The following TRPM3 variants were observed in gnomAD, a reference collection of about 807,000 sequenced individuals.
TRPM3 encodes the protein transient receptor potential cation channel subfamily M member 3, also known as long transient receptor potential channel 3.
A neutral mutation model predicts 181.2 loss-of-function variants in TRPM3; 77 were observed. That is an observed-to-expected ratio of 0.42 (90% CI 0.35 to 0.51). The LOEUF is 0.51. Among genes scored for constraint, TRPM3 ranks in the 20% least tolerant of loss-of-function variants. The pLI, the probability that TRPM3 is intolerant of heterozygous loss-of-function variation, is 0.01. For synonymous variants in TRPM3, 745 were observed against 796.4 expected (o/e 0.94, Z 1.09); for missense variants, 1,759 against 2,196.7 (o/e 0.80, Z 3.98).
intron 1 of TRPM3, among the ~76,000 whole-genome samples, chr9:71,036,853 T>C (rs1190015128): frequency 6.6e-6 from 1 of 152,212 alleles, no homozygotes; most frequent in Non-Finnish European, 1.5e-5. Flanking sequence ...AAGAGACACA[T>C]GTACTCAAAT....
At chr9:71,196,428 A>T (rs10746865) in intron 1 of TRPM3, among the ~76,000 whole-genome samples, 65,142 of 151,594 alleles carry the variant, frequency 0.43, 14,388 homozygotes, top group East Asian at 0.52. Flanking sequence ...GTATTTATCT[A>T]TATTGTCCTC....
intron 1 of TRPM3, among the ~76,000 whole-genome samples, chr9:71,263,925 G>A (rs1015191403): frequency 2.0e-5 from 3 of 152,104 alleles, no homozygotes; most frequent in African/African-American, 7.2e-5. Context: ...GACCACAGGT[G>A]CATGCTACCA....
intron 22 of TRPM3, among the ~76,000 whole-genome samples, chr9:70,581,200 C>T (rs1023011828): frequency 1.3e-5 from 2 of 152,256 alleles, no homozygotes; most frequent in Admixed American, 1.3e-4. Flanking sequence ...CCTTAACTCA[C>T]CAGTGGGTGT....
intron 1 of TRPM3, among the ~76,000 whole-genome samples, chr9:70,898,178 A>G (rs2096311583): frequency 6.6e-6 from 1 of 150,588 alleles, no homozygotes; most frequent in South Asian, 2.1e-4. Flanking sequence ...GCTGGAGTGC[A>G]GTGGCGCGAT....
At chr9:70,636,199 A>G (rs979140399) in intron 11 of TRPM3, among the ~76,000 whole-genome samples, 5 of 152,128 alleles carry the variant, frequency 3.3e-5, no homozygotes, top group African/African-American at 9.7e-5. Flanking sequence ...AATTTTAATT[A>G]TGGGCACAGA....
At chr9:70,907,299 C>T (rs1274056904) in intron 1 of TRPM3, among the ~76,000 whole-genome samples, 1 of 152,138 alleles carries the variant, frequency 6.6e-6, no homozygotes, top group Non-Finnish European at 1.5e-5. Context: ...TGACACTCTG[C>T]CTCCTTGTTT....
intron 1 of TRPM3, among the ~76,000 whole-genome samples, chr9:71,103,213 A>G (rs1306567654): frequency 6.6e-6 from 1 of 152,138 alleles, no homozygotes; most frequent in Non-Finnish European, 1.5e-5. Flanking sequence ...CACTTGTATT[A>G]TTTTTCTCCC....
chr9:70,556,816 A>G (rs1415715517), intron 22 of TRPM3, among the ~76,000 whole-genome samples: 1 of 152,236 alleles, frequency 6.6e-6, no homozygotes, highest in Non-Finnish European at 1.5e-5. Context: ...CATCTGTAAA[A>G]TGGGAGTAAT....
At chr9:70,783,597 C>T (rs1386744510) in intron 7 of TRPM3, among the ~76,000 whole-genome samples, 1 of 152,126 alleles carries the variant, frequency 6.6e-6, no homozygotes, top group Admixed American at 6.6e-5. Context: ...GTTACCATTA[C>T]AGAGATTTGA....
intron 7 of TRPM3, among the ~76,000 whole-genome samples, chr9:70,779,719 T>A (rs1432872756): frequency 2.0e-5 from 3 of 152,210 alleles, no homozygotes; most frequent in Non-Finnish European, 4.4e-5. Context: ...TTGGGTAGCA[T>A]GAATCTCTTT....
At chr9:70,693,216 A>G (rs909057091) in intron 8 of TRPM3, among the ~76,000 whole-genome samples, 4 of 152,160 alleles carry the variant, frequency 2.6e-5, no homozygotes, top group African/African-American at 9.7e-5. Context: ...TGATCATAAA[A>G]CTGTGTAATG....
chr9:71,395,492 G>T (rs531007180), intron 1 of TRPM3, among the ~76,000 whole-genome samples: 1 of 152,306 alleles, frequency 6.6e-6, no homozygotes, highest in African/African-American at 2.4e-5. Flanking sequence ...TGTTTGAGAA[G>T]CAATGACACG....
At chr9:70,585,095 C>T (rs2056831169) in intron 22 of TRPM3, among the ~76,000 whole-genome samples, 1 of 152,182 alleles carries the variant, frequency 6.6e-6, no homozygotes, top group Admixed American at 6.5e-5. Context: ...CCCGCTGATA[C>T]ATATACAGCA....
chr9:71,280,544 C>T (rs2084629059), intron 1 of TRPM3, among the ~76,000 whole-genome samples: 1 of 151,898 alleles, frequency 6.6e-6, no homozygotes, highest in Non-Finnish European at 1.5e-5. Context: ...AAAAGAAAAG[C>T]CCTGGATTTT....
chr9:70,645,657 T>C (rs149055950), intron 9 of TRPM3, among the ~76,000 whole-genome samples: 3,745 of 151,986 alleles, frequency 0.025, 72 homozygotes, highest in Non-Finnish European at 0.042. Flanking sequence ...GGGCAAAGAC[T>C]TCCTGACTAA....
chr9:70,830,794 A>G (rs1037762356), intron 5 of TRPM3, among the ~76,000 whole-genome samples: 2 of 152,164 alleles, frequency 1.3e-5, no homozygotes, highest in Non-Finnish European at 2.9e-5. Context: ...CCTCTTGGGG[A>G]TTAGTTGAGA....
chr9:70,823,077 C>T (rs771442606), intron 6 of TRPM3, among the ~76,000 whole-genome samples: 28 of 152,232 alleles, frequency 1.8e-4, no homozygotes, highest in East Asian at 1.5e-3. Flanking sequence ...CTCCTCCTCA[C>T]GGAGGCTAGG....
At chr9:71,136,026 A>G (rs902442832) in intron 1 of TRPM3, among the ~76,000 whole-genome samples, 1 of 152,230 alleles carries the variant, frequency 6.6e-6, no homozygotes, top group Non-Finnish European at 1.5e-5. Context: ...TAGCTGGATG[A>G]ATTTAATTCA....
intron 1 of TRPM3, among the ~76,000 whole-genome samples, chr9:71,099,889 G>C (rs1285000023): frequency 1.3e-5 from 2 of 152,128 alleles, no homozygotes; most frequent in African/African-American, 4.8e-5. Context: ...TTATTGAGAT[G>C]AGACCAGAAT....
Sources: allele counts gnomAD v4.1 joint callset (sites outside exome capture counted in the v4.1 genomes callset), GRCh38; gene constraint gnomAD v4.1.1; transcripts MANE v1.5; gene names NCBI Gene and HGNC (gene_info 2026-07-23, HGNC 2026-07-21).